Variants in TNS3 observed in about 807,000 individuals in gnomAD.
TNS3 encodes the protein tensin 3, also known as tensin-3.
Under a neutral mutation model 140.9 loss-of-function variants are expected in TNS3, and 45 were observed. The observed-to-expected ratio is 0.32, with a 90% CI of 0.25 to 0.41. The LOEUF (loss-of-function observed/expected upper bound fraction) is 0.41. TNS3 is among the 10% of genes least tolerant of loss of function. TNS3 has a pLI of 1.00. For missense variants in TNS3, 1,716 were observed against 1,906.7 expected (o/e 0.90, Z 1.86); for synonymous variants, 815 against 788.4 (o/e 1.03, Z -0.56).
chr7:47,410,570 C>T (rs1432938336), intron 13 of TNS3, among the ~76,000 whole-genome samples: 1 of 152,168 alleles, frequency 6.6e-6, no homozygotes, highest in African/African-American at 2.4e-5. Context: ...TCTCCACCTT[C>T]GATCCTCGCT....
chr7:47,340,115 ATTTTTTTTT>A lies in TNS3; in HGVS notation c.2650+4631_2650+4639del, dbSNP rs770520080. On this transcript the variant is annotated intron_variant, in intron 20 of 30. Transcript: ENST00000311160. ...TACATATATATATATATATATATAT[ATTTTTTTTT>A]TTTTTTTTTTTTTTTTTTGAGACGG... 5.9e-3 allele frequency among the ~76,000 whole-genome samples: 167 copies of A among 28,524 alleles called. 1 individual carries two copies. The highest frequency in any genetic ancestry group is 0.011 in the African/African-American group (99 of 9,358). 18.7% of individuals were successfully genotyped at this position (28,524 alleles called of 152,430 possible).
chr7:47,572,665 C>T (rs1350123401), intron 1 of TNS3, among the ~76,000 whole-genome samples: 1 of 152,084 alleles, frequency 6.6e-6, no homozygotes, highest in Non-Finnish European at 1.5e-5. Context: ...CGCCTGAGGT[C>T]AGGAGTTCGA....
chr7:47,551,068 T>C (rs938784275), intron 1 of TNS3, among the ~76,000 whole-genome samples: 4 of 152,118 alleles, frequency 2.6e-5, no homozygotes, highest in Non-Finnish European at 5.9e-5. Flanking sequence ...CCTGGGTGAA[T>C]AGCATTCACC....
intron 8 of TNS3, among the ~76,000 whole-genome samples, chr7:47,431,740 A>G (rs990663621): frequency 2.6e-5 from 4 of 152,238 alleles, no homozygotes; most frequent in Non-Finnish European, 4.4e-5. Flanking sequence ...AAGATCAACA[A>G]AACTAAGGGT....
intron 16 of TNS3, among the ~76,000 whole-genome samples, chr7:47,386,064 C>T (rs1399814951): frequency 6.6e-6 from 1 of 152,228 alleles, no homozygotes; most frequent in East Asian, 1.9e-4. Context: ...ACTGTCAACA[C>T]CATGAATCCT....
chr7:47,342,637 G>C (rs1057194804), intron 20 of TNS3, among the ~76,000 whole-genome samples: 3 of 152,346 alleles, frequency 2.0e-5, no homozygotes, highest in Middle Eastern at 3.4e-3. Context: ...TGGCTGTGGA[G>C]TCGGCTGATG....
Position 47,437,286 on chromosome 7 carries a change from C to T in TNS3, c.178G>A (p.Asp60Asn), listed in dbSNP as rs1169955340. 6.4e-7 allele frequency: 1 copy of T among 1,552,630 alleles called. No homozygotes were observed. The highest frequency in any genetic ancestry group is 8.6e-7 in the Non-Finnish European group (1 of 1,156,834). Residue 60 changes from aspartate to asparagine, a missense_variant, in exon 7 of 31, where the codon GAC becomes AAC. Coordinates refer to ENST00000311160, the MANE Select transcript of TNS3 (RefSeq NM_022748.12). ...LVLNLSEKRY[D>N]LTKLNPKIMD... ...ACCTTTGGGTTAAGCTTCGTAAGGT[C>T]ATATCTCTTTTCTGAAAGGTTTAAT...
chr7:47,330,730 C>A (rs897492465), intron 20 of TNS3, among the ~76,000 whole-genome samples: 1 of 151,998 alleles, frequency 6.6e-6, no homozygotes, highest in Non-Finnish European at 1.5e-5. Context: ...GGCATTAAAC[C>A]AAGGAGAAGG....
Position 47,346,229 on chromosome 7 carries a change from G to C in TNS3, c.2409C>G (p.Ala803=). 1 of 1,614,164 alleles carries C rather than the reference G, an allele frequency of 6.2e-7. No individual in the cohort carries two copies. The highest frequency in any genetic ancestry group is 8.5e-7 in the Non-Finnish European group (1 of 1,180,034). Residue 803 remains alanine, a synonymous_variant, in exon 18 of 31, where the codon GCC becomes GCG. Transcript: ENST00000311160. ...GTGAGGGGAATGGCGGCAGGTTTGG[G>C]GCATAGTCCACACCAGCCTTTCCCC... The part of the protein sequence containing the change: ...CAWGKAGVDY[A]PNLPPFPSPA...
chr7:47,461,782 T>G (rs1216873247), intron 4 of TNS3, among the ~76,000 whole-genome samples: 2 of 152,396 alleles, frequency 1.3e-5, no homozygotes, highest in East Asian at 3.9e-4. Flanking sequence ...AAGGATTTGT[T>G]ACTGCTGCAA....
chr7:47,284,507 A>G (rs2150563307), intron 27 of TNS3, among the ~76,000 whole-genome samples: 1 of 152,308 alleles, frequency 6.6e-6, no homozygotes, highest in Middle Eastern at 3.4e-3. Context: ...TGGGCTCCAT[A>G]ACAACCCTTC....
chr7:47,547,232 G>C (rs149596690), intron 1 of TNS3, among the ~76,000 whole-genome samples: 1 of 152,176 alleles, frequency 6.6e-6, no homozygotes, highest in Non-Finnish European at 1.5e-5. Flanking sequence ...AGAGGCTCAG[G>C]AGCAAAGGGT....
At chr7:47,538,437 A>G (rs334509) in intron 1 of TNS3, among the ~76,000 whole-genome samples, 47,463 of 151,916 alleles carry the variant, frequency 0.31, 7,701 homozygotes, top group East Asian at 0.45. Flanking sequence ...CCAGCCTAGG[A>G]GCAGTGTCCC....
At chr7:47,376,566 G>A (rs1791397050) in intron 16 of TNS3, among the ~76,000 whole-genome samples, 1 of 152,204 alleles carries the variant, frequency 6.6e-6, no homozygotes, top group African/African-American at 2.4e-5. Flanking sequence ...TGAGAAATCA[G>A]AGGCTGAGAG....
At chr7:47,582,369 G>T, upstream of TNS3, 1 of 454,878 alleles carries the variant, frequency 2.2e-6, no homozygotes. Context: ...CCATTGAGCA[G>T]CCCAGGCTCC....
At chr7:47,531,789 G>T (rs936233805) in intron 1 of TNS3, among the ~76,000 whole-genome samples, 2 of 152,202 alleles carry the variant, frequency 1.3e-5, no homozygotes, top group African/African-American at 4.8e-5. Flanking sequence ...CTGAGTTGGG[G>T]TGGGAACTCC....
intron 4 of TNS3, among the ~76,000 whole-genome samples, chr7:47,477,171 C>T (rs535803336): frequency 9.4e-4 from 143 of 152,294 alleles, no homozygotes; most frequent in African/African-American, 3.3e-3. Context: ...GCTGGCAAGG[C>T]TCATCACTGC....
chr7:47,396,808 T>G lies in TNS3; in HGVS notation c.1016A>C (p.Asp339Ala). The change falls in exon 16 of 31, where the codon GAT becomes GCT. Residue 339 changes from aspartate (D) to alanine (A), a missense_variant. Asp to Ala is a moderately radical substitution (Grantham distance 126, BLOSUM62 -2). Coordinates refer to ENST00000311160, the MANE Select transcript of TNS3 (RefSeq NM_022748.12). The stretch of plus-strand genomic sequence containing the variant: ...AAGATGAACACACGCACCTTCTCCA[T>G]CTGCACTGAGGTTCTCGTACGAGTC... Reference protein sequence around the residue: ...RWDSYENLSADGEVLHTQGPV... With the variant: ...RWDSYENLSAAGEVLHTQGPV... 6.2e-7 allele frequency: 1 copy of G among 1,613,808 alleles called. No homozygotes were observed. Among genetic ancestry groups the G allele is most frequent in the South Asian group, 1.1e-5 (1 of 91,072 alleles).
chr7:47,556,247 C>G (rs531097176), intron 1 of TNS3, among the ~76,000 whole-genome samples: 1 of 152,290 alleles, frequency 6.6e-6, no homozygotes, highest in African/African-American at 2.4e-5. Flanking sequence ...GCAGAAGATC[C>G]TGGAGACACT....
Sources: gnomAD v4.1 joint callset for allele counts (sites outside exome capture counted in the v4.1 genomes callset) on GRCh38, gnomAD v4.1.1 for gene constraint, MANE v1.5 for transcripts, NCBI Gene and HGNC (gene_info 2026-07-23, HGNC 2026-07-21) for gene names.